CREG1: variants seen among roughly 807,000 people sequenced by gnomAD.
CREG1 encodes cellular repressor of E1A stimulated genes 1, also known as protein CREG1.
In CREG1, 20 loss-of-function variants were observed where a neutral mutation model predicts 19.9. That is an observed-to-expected ratio of 1.01 (90% CI 0.71 to 1.46). The LOEUF is 1.46. Among genes scored for constraint, CREG1 ranks in the 40% most tolerant of loss-of-function variants. The probability of loss-of-function intolerance (pLI) is 0.00; values close to 1 mark genes in which losing one functional copy is unlikely to be tolerated. For synonymous variants in CREG1, 141 were observed against 143.3 expected (o/e 0.98, Z 0.12); for missense variants, 290 against 314.9 (o/e 0.92, Z 0.60).
chr1:167,543,579 GC>G (rs1378871734), intron 3 of CREG1, among the ~76,000 whole-genome samples: 1 of 152,242 alleles, frequency 6.6e-6, no homozygotes, highest in Non-Finnish European at 1.5e-5. Context: ...GAAGATGGGG[GC>G]CCTGGTCCTC....
chr1:167,543,968 G>A (rs1175545580), intron 3 of CREG1, among the ~76,000 whole-genome samples: 1 of 152,234 alleles, frequency 6.6e-6, no homozygotes, highest in Non-Finnish European at 1.5e-5. Flanking sequence ...CTGCCTTTGG[G>A]CATGTTATTT....
intron 3 of CREG1, among the ~76,000 whole-genome samples, chr1:167,542,915 A>C (rs534476131): frequency 1.3e-5 from 2 of 152,342 alleles, no homozygotes; most frequent in East Asian, 3.9e-4. Flanking sequence ...GCTGCTGCCC[A>C]GACTTAACAG....
chr1:167,553,296 A>G (rs1429528367), intron 1 of CREG1, 92 bp downstream of exon 1: 4 of 1,033,012 alleles, frequency 3.9e-6, no homozygotes, highest in Non-Finnish European at 5.1e-6. Context: ...GCCACGCTCC[A>G]CTTCCCGGGA....
chr1:167,548,549 A>G (rs1293368257), intron 1 of CREG1, among the ~76,000 whole-genome samples: 1 of 152,266 alleles, frequency 6.6e-6, no homozygotes, highest in Non-Finnish European at 1.5e-5. Flanking sequence ...GCAAGAAAGT[A>G]GCTGAATCAT....
At chr1:167,543,294 C>T (rs3820392) in intron 3 of CREG1, among the ~76,000 whole-genome samples, 28,334 of 151,780 alleles carry the variant, frequency 0.19, 2,962 homozygotes, top group East Asian at 0.31. Context: ...GCAAATGCTT[C>T]GTGTAGACAT....
At chr1:167,545,564 T>G (rs1656303010) in intron 3 of CREG1, among the ~76,000 whole-genome samples, 1 of 152,326 alleles carries the variant, frequency 6.6e-6, no homozygotes, top group South Asian at 2.1e-4. Flanking sequence ...TGGTCGCTCA[T>G]GCCTGTAATC....
intron 1 of CREG1, among the ~76,000 whole-genome samples, chr1:167,553,126 C>A (rs1355478734): frequency 6.6e-6 from 1 of 151,906 alleles, no homozygotes; most frequent in Non-Finnish European, 1.5e-5. Flanking sequence ...GAACCACTCA[C>A]GGATGAGAAG....
In CREG1 at chr1:167,546,249, ACG is replaced by A; in HGVS notation, c.509_510del (p.Ser170PhefsTer7). 1.2e-6 allele frequency: 2 copies of A among 1,610,146 alleles called. No individual in the cohort carries two copies. Among genetic ancestry groups the A allele is most frequent in the Non-Finnish European group, 1.7e-6 (2 of 1,178,498 alleles). On this transcript the variant is annotated frameshift_variant, in exon 3 of 4. Transcript: ENST00000370509. LOFTEE classifies it high-confidence loss of function. ...NETEMDIAKH[S>X]LFIRHPEMKT... ...TTCATCTCAGGGTGTCGAATGAATA[ACG>A]AATGCTTTGCAATATCCATTTCTGT...
intron 1 of CREG1, among the ~76,000 whole-genome samples, chr1:167,548,337 C>T (rs1414780470): frequency 1.3e-5 from 2 of 152,210 alleles, no homozygotes; most frequent in Non-Finnish European, 2.9e-5. Flanking sequence ...TTAAAATGAA[C>T]TGACTTGGTA....
At position 167,548,115 on chromosome 1, in the gene CREG1, G is replaced by A; in HGVS notation, c.361C>T (p.Pro121Ser). The change falls in exon 2 of 4, where the codon CCA becomes TCA. Residue 121 changes from proline to serine, a missense_variant. Physicochemically the swap from Pro to Ser is moderately conservative, Grantham distance 74 (BLOSUM62 -1). Coordinates refer to ENST00000370509, the MANE Select transcript of CREG1 (RefSeq NM_003851.3). Reference protein sequence around the residue: ...QLSVSNLQENPYATLTMTLAQ... With the variant: ...QLSVSNLQENSYATLTMTLAQ... ...AAAGTCATGGTCAGTGTAGCATATG[G>A]ATTCTCCTATAGAGAGAAAATGAAG... is the stretch of plus-strand genomic sequence containing the variant. The A allele has an allele frequency of 6.2e-7, 1 of 1,610,310 alleles. No individual in the cohort carries two copies. The highest frequency in any genetic ancestry group is 8.5e-7 in the Non-Finnish European group (1 of 1,176,782).
intron 1 of CREG1, among the ~76,000 whole-genome samples, chr1:167,552,755 T>C (rs1206353129): frequency 4.6e-5 from 7 of 152,096 alleles, no homozygotes; most frequent in African/African-American, 1.4e-4. Context: ...CCTTTAAGAA[T>C]AGGAGCCCAG....
rs1656237846 is a variant in CREG1 at position 167,542,135 on chromosome 1, T to C, written c.*163A>G. On this transcript the variant is annotated 3_prime_UTR_variant, in exon 4 of 4. Transcript: ENST00000370509. ...AGGAAATCCAATAACAGGTCAACTCTATTGGTAAACAAGCAAGTAAACAAG... is the reference window on the plus strand; with the variant it reads ...AGGAAATCCAATAACAGGTCAACTCCATTGGTAAACAAGCAAGTAAACAAG... 4 of 581,264 alleles carry C rather than the reference T, an allele frequency of 6.9e-6. No homozygotes were observed. Among genetic ancestry groups the C allele is most frequent in the Admixed American group, 6.1e-5 (2 of 32,846 alleles). The allele number at this position is 581,264 out of a possible 1,614,324, so 36.0% of individuals were successfully genotyped here. A position where few individuals can be genotyped will look rare whatever the true frequency, so the allele number is the denominator to read the frequency against.
intron 1 of CREG1, among the ~76,000 whole-genome samples, chr1:167,548,598 G>C (rs1466149108): frequency 2.0e-5 from 3 of 152,310 alleles, no homozygotes; most frequent in East Asian, 3.9e-4. Flanking sequence ...ACTGTCATGT[G>C]ATTTCAAAAC....
Position 167,553,588 on chromosome 1 carries a change from G to T in CREG1, c.154C>A (p.Arg52Ser), listed in dbSNP as rs1004558776. 2.8e-6 allele frequency: 4 copies of T among 1,425,448 alleles called. No individual in the cohort carries two copies. The highest frequency in any genetic ancestry group is 3.7e-6 in the Non-Finnish European group (4 of 1,094,748). The allele number at this position is 1,425,448 out of a possible 1,614,324, so 88.3% of individuals were successfully genotyped here. Residue 52 changes from arginine to serine, a missense_variant, in exon 1 of 4, where the codon CGC becomes AGC. Coordinates refer to ENST00000370509, the MANE Select transcript of CREG1 (RefSeq NM_003851.3). Reference protein sequence around the residue: ...EASRLPPLPPREDAARVARFV... With the variant: ...EASRLPPLPPSEDAARVARFV... ...CGGGCCACGCGCGCCGCGTCCTCGC[G>T]GGGTGGTAGCGGCGGCAGCCGGGAG...
At position 167,548,098 on chromosome 1, in the gene CREG1, G is replaced by A; in HGVS notation, c.378C>T (p.Thr126=). 3 of 1,612,624 alleles carry A rather than the reference G, an allele frequency of 1.9e-6. No homozygotes were observed. The highest frequency in any genetic ancestry group is 1.7e-4 in the Middle Eastern group (1 of 6,054). ...AGAAGTTGGTCTGTGCCAAAGTCAT[G>A]GTCAGTGTAGCATATGGATTCTCCT... ...NLQENPYATL[T]MTLAQTNFCK... Residue 126 remains threonine (T), a synonymous_variant, in exon 2 of 4, where the codon ACC becomes ACT. Transcript: ENST00000370509.
chr1:167,551,944 T>C (rs1332808619), intron 1 of CREG1, among the ~76,000 whole-genome samples: 1 of 152,220 alleles, frequency 6.6e-6, no homozygotes, highest in East Asian at 1.9e-4. Flanking sequence ...GCCCACAGTG[T>C]CACTGGATCT....
At position 167,553,433 on chromosome 1, in the gene CREG1, G is replaced by C; in HGVS notation, c.309C>G (p.Pro103=). The C allele has an allele frequency of 6.8e-7, 1 of 1,475,434 alleles. No homozygotes were observed. The highest frequency in any genetic ancestry group is 8.9e-7 in the Non-Finnish European group (1 of 1,120,234). 91.4% of individuals were successfully genotyped at this position (1,475,434 alleles called of 1,614,324 possible). Reference sequence around the variant, plus strand: ...GCTGCAGCGGGCTCAGGTAGAAATAGGGCACGCCGCTGCCCGCGCCCGGGG... The same window carrying C: ...GCTGCAGCGGGCTCAGGTAGAAATACGGCACGCCGCTGCCCGCGCCCGGGG... ...DGPPGAGSGV[P]YFYLSPLQLS... Residue 103 remains proline (P), a synonymous_variant, in exon 1 of 4, where the codon CCC becomes CCG. Coordinates refer to ENST00000370509, the MANE Select transcript of CREG1 (RefSeq NM_003851.3).
At chr1:167,545,863 A>G (rs983655578) in intron 3 of CREG1, among the ~76,000 whole-genome samples, 10 of 152,182 alleles carry the variant, frequency 6.6e-5, no homozygotes, top group Admixed American at 6.5e-4. Flanking sequence ...TATATTAATA[A>G]AACGATTATA....
chr1:167,545,545 G>A (rs902072067), intron 3 of CREG1, among the ~76,000 whole-genome samples: 3 of 152,070 alleles, frequency 2.0e-5, no homozygotes, highest in African/African-American at 7.2e-5. Flanking sequence ...GCACAGAAAA[G>A]GCCAGGCATG....
Sources: allele counts gnomAD v4.1 joint callset (sites outside exome capture counted in the v4.1 genomes callset), GRCh38; gene constraint gnomAD v4.1.1; transcripts MANE v1.5; gene names NCBI Gene and HGNC (gene_info 2026-07-23, HGNC 2026-07-21).